PRKG1: variants seen among roughly 807,000 people sequenced by gnomAD.
PRKG1 encodes the protein protein kinase cGMP-dependent 1.
A neutral mutation model predicts 88.1 loss-of-function variants in PRKG1; 35 were observed. The ratio of observed to expected loss-of-function variants is 0.40; its 90% CI spans 0.30 to 0.53. The LOEUF is 0.53. Among genes scored for constraint, PRKG1 ranks in the 20% least tolerant of loss-of-function variants. The probability of loss-of-function intolerance (pLI) is 0.59; values close to 1 mark genes in which losing one functional copy is unlikely to be tolerated. For synonymous variants in PRKG1, 303 were observed against 292.5 expected (o/e 1.04, Z -0.37); for missense variants, 540 against 839.8 (o/e 0.64, Z 4.41).
rs116087311 is a variant in PRKG1 at position 51,764,484 on chromosome 10, A to T, written c.593-40101A>T. 3.3e-3 allele frequency among the ~76,000 whole-genome samples: 502 copies of T among 152,260 alleles called. 3 individuals are homozygous for T. Among genetic ancestry groups the T allele is most frequent in the African/African-American group, 0.011 (474 of 41,566 alleles). On this transcript the variant is annotated intron_variant, in intron 3 of 17. Coordinates refer to ENST00000373980, the MANE Select transcript of PRKG1 (RefSeq NM_006258.4). ...GTATCAAGGTCAATCTTGCTCTGTGAATGTTTTCTCTCTAAAGAAAGAAAA... is the reference window on the plus strand; with the variant it reads ...GTATCAAGGTCAATCTTGCTCTGTGTATGTTTTCTCTCTAAAGAAAGAAAA...
chr10:51,802,795 C>G (rs1192920525), intron 3 of PRKG1, among the ~76,000 whole-genome samples: 2 of 152,068 alleles, frequency 1.3e-5, no homozygotes, highest in African/African-American at 4.8e-5. Context: ...CAGGAAGGGA[C>G]CAGGGTCAAT....
chr10:51,596,099 G>A (rs1046930638), intron 3 of PRKG1, among the ~76,000 whole-genome samples: 1 of 152,128 alleles, frequency 6.6e-6, no homozygotes, highest in African/African-American at 2.4e-5. Context: ...AAAGTGCTGG[G>A]ATTACAGGCG....
chr10:51,287,062 G>A (rs1402670556), intron 2 of PRKG1, among the ~76,000 whole-genome samples: 1 of 152,060 alleles, frequency 6.6e-6, no homozygotes, highest in African/African-American at 2.4e-5. Flanking sequence ...ATTTTTTGTA[G>A]AGATGGGATT....
intron 7 of PRKG1, among the ~76,000 whole-genome samples, chr10:52,092,595 T>C (rs1482769802): frequency 6.6e-6 from 1 of 152,210 alleles, no homozygotes; most frequent in African/African-American, 2.4e-5. Flanking sequence ...GCAAGCACTT[T>C]GATTGATACT....
rs143126108 is a variant in PRKG1, at chr10:52,036,572, G to A, written c.763-17912G>A. 9.6e-3 allele frequency among the ~76,000 whole-genome samples: 1,460 copies of A among 152,136 alleles called. 19 individuals carry two copies. Among genetic ancestry groups the A allele is most frequent in the African/African-American group, 0.033 (1,374 of 41,482 alleles). ...TGAGATGGTAACGGGTGCATGATTG[G>A]TCGCCAAGGAGGGAGTAGAGGTATC... On this transcript the variant is annotated intron_variant, in intron 5 of 17. Transcript: ENST00000373980.
chr10:51,110,332 T>C (rs1844953851), intron 1 of PRKG1, among the ~76,000 whole-genome samples: 1 of 152,128 alleles, frequency 6.6e-6, no homozygotes, highest in African/African-American at 2.4e-5. Context: ...ATAAAGAAAC[T>C]GTGATATATG....
chr10:51,324,245 TC>T (rs1841526055), intron 2 of PRKG1, among the ~76,000 whole-genome samples: 1 of 152,088 alleles, frequency 6.6e-6, no homozygotes, highest in Non-Finnish European at 1.5e-5. Context: ...TGTTCTTCAT[TC>T]CCCATCCTTC....
chr10:50,997,844 T>G (rs1232320231), intron 1 of PRKG1, among the ~76,000 whole-genome samples: 1 of 152,106 alleles, frequency 6.6e-6, no homozygotes, highest in Non-Finnish European at 1.5e-5. Flanking sequence ...AATAATAATT[T>G]AAGGGAAAAG....
chr10:51,521,413 C>G lies in PRKG1; in HGVS notation c.592+53577C>G, dbSNP rs148953436. ...ATGTTCCCAAAAATGCCTTTCAACC[C>G]TGTGATTTATATGAAAGGTGAAGGC... On this transcript the variant is annotated intron_variant, in intron 3 of 17. Coordinates refer to ENST00000373980, the MANE Select transcript of PRKG1 (RefSeq NM_006258.4). Among the ~76,000 whole-genome samples the G allele has an allele frequency of 6.3e-4, 96 of 152,220 alleles. 1 individual carries two copies. The highest frequency in any genetic ancestry group is 2.3e-3 in the African/African-American group (95 of 41,534).
At chr10:52,123,964 A>G (rs936323934) in intron 7 of PRKG1, among the ~76,000 whole-genome samples, 3 of 152,078 alleles carry the variant, frequency 2.0e-5, no homozygotes, top group Admixed American at 6.6e-5. Flanking sequence ...AACTTTGCTT[A>G]TGTTACAATA....
chr10:51,739,561 A>T (rs1305528718), intron 3 of PRKG1, among the ~76,000 whole-genome samples: 1 of 152,226 alleles, frequency 6.6e-6, no homozygotes, highest in African/African-American at 2.4e-5. Flanking sequence ...AATTGAATTG[A>T]TTTAACCAGC....
chr10:52,078,367 T>C (rs1257210507), intron 7 of PRKG1, among the ~76,000 whole-genome samples: 1 of 152,202 alleles, frequency 6.6e-6, no homozygotes, highest in African/African-American at 2.4e-5. Context: ...AAGATAAATG[T>C]ATGGTTTTTA....
chr10:52,260,411 G>A (rs1841406515), intron 10 of PRKG1, among the ~76,000 whole-genome samples: 1 of 151,978 alleles, frequency 6.6e-6, no homozygotes, highest in South Asian at 2.1e-4. Flanking sequence ...TGAGTTAATT[G>A]GGCCACATGT....
intron 2 of PRKG1, among the ~76,000 whole-genome samples, chr10:51,277,158 C>T (rs1840145534): frequency 1.3e-5 from 2 of 152,166 alleles, no homozygotes; most frequent in African/African-American, 4.8e-5. Context: ...AGGTAGGGAT[C>T]CAGTTTCAGC....
At chr10:51,968,639 G>A (rs1299808446) in intron 5 of PRKG1, among the ~76,000 whole-genome samples, 2 of 151,720 alleles carry the variant, frequency 1.3e-5, no homozygotes, top group African/African-American at 2.4e-5. Context: ...TGACCAATAT[G>A]GTGAAACTCT....
At chr10:51,684,898 T>C (rs6480416) in intron 3 of PRKG1, among the ~76,000 whole-genome samples, 26,750 of 152,042 alleles carry the variant, frequency 0.18, 2,660 homozygotes, top group African/African-American at 0.26. Flanking sequence ...TTTTATGGAT[T>C]TCTTATAAAT....
At chr10:51,186,889 A>G (rs1169473702) in intron 2 of PRKG1, among the ~76,000 whole-genome samples, 1 of 149,590 alleles carries the variant, frequency 6.7e-6, no homozygotes, top group East Asian at 1.9e-4. Context: ...CAGTCTTTAC[A>G]CAAATTTTAA....
chr10:51,842,191 G>A (rs1351683304), intron 4 of PRKG1, among the ~76,000 whole-genome samples: 3 of 152,172 alleles, frequency 2.0e-5, no homozygotes, highest in Non-Finnish European at 4.4e-5. Flanking sequence ...CCTCATAGGA[G>A]TGCTTTGGGG....
At chr10:51,464,134 G>T (rs1839819073) in intron 2 of PRKG1, among the ~76,000 whole-genome samples, 1 of 151,742 alleles carries the variant, frequency 6.6e-6, no homozygotes, top group East Asian at 1.9e-4. Flanking sequence ...AAAAAAAATT[G>T]CCTGGCATGG....
Sources: allele counts gnomAD v4.1 joint callset (sites outside exome capture counted in the v4.1 genomes callset), GRCh38; gene constraint gnomAD v4.1.1; transcripts MANE v1.5; gene names NCBI Gene and HGNC (gene_info 2026-07-23, HGNC 2026-07-21).